Variants in CLASP2 observed in about 807,000 individuals in gnomAD.
The protein encoded by CLASP2 is cytoplasmic linker associated protein 2, also known as CLIP-associating protein 2.
Under a neutral mutation model 194.4 loss-of-function variants are expected in CLASP2, and 47 were observed. The observed-to-expected ratio is 0.24, with a 90% CI of 0.19 to 0.31. The LOEUF (loss-of-function observed/expected upper bound fraction) is 0.31, where lower values mean the gene tolerates loss of function less well. Ranked by LOEUF, CLASP2 falls within the 10% of genes least tolerant of loss-of-function variation. The probability of loss-of-function intolerance (pLI) is 1.00; values close to 1 mark genes in which losing one functional copy is unlikely to be tolerated. For missense variants in CLASP2, 1,445 were observed against 1,823.6 expected, an observed-to-expected ratio of 0.79 and a Z score of 3.78; for synonymous variants, 619 against 633.5, an observed-to-expected ratio of 0.98 and a Z score of 0.34.
At chr3:33,585,808 TA>T (rs150098184) in intron 21 of CLASP2, among the ~76,000 whole-genome samples, 21 of 151,374 alleles carry the variant, frequency 1.4e-4, no homozygotes. Context: ...ATGACTGTAT[TA>T]AAAAAAAACC....
At chr3:33,653,977 A>G (rs2083673510) in intron 7 of CLASP2, among the ~76,000 whole-genome samples, 1 of 151,958 alleles carries the variant, frequency 6.6e-6, no homozygotes, top group African/African-American at 2.4e-5. Context: ...AAAAATCACA[A>G]TGAATTCTTA....
rs114498000 is a variant in CLASP2, at chr3:33,597,531, C to A, written c.1925-797G>T. On this transcript the variant is annotated intron_variant, in intron 18 of 38. Coordinates refer to ENST00000682230, the MANE Select transcript of CLASP2 (RefSeq NM_001365631.1). ...CTACAGTTTGCCTAAGCTGTTTCTGCAAACAGTGTGGTTTATGGTGAAAAC... is the reference window on the plus strand; with the variant it reads ...CTACAGTTTGCCTAAGCTGTTTCTGAAAACAGTGTGGTTTATGGTGAAAAC... Among the ~76,000 whole-genome samples, 1,431 of 152,222 alleles carry A rather than the reference C, an allele frequency of 9.4e-3. 31 individuals are homozygous for A. Among genetic ancestry groups the A allele is most frequent in the African/African-American group, 0.033 (1,350 of 41,530 alleles).
At chr3:33,633,312 T>TC (rs891055209) in intron 8 of CLASP2, among the ~76,000 whole-genome samples, 2 of 152,028 alleles carry the variant, frequency 1.3e-5, no homozygotes, top group African/African-American at 4.8e-5. Context: ...GCTCATCCTA[T>TC]CCAAAAACGA....
chr3:33,608,703 T>C, intron 13 of CLASP2, 77 bp from the exon 14 acceptor site: 1 of 791,782 alleles, frequency 1.3e-6, no homozygotes. Context: ...ACTACTACAC[T>C]TTGCCCCCTA....
chr3:33,559,019 T>C lies in CLASP2; in HGVS notation c.3009+288A>G, dbSNP rs555168118. 13 of 449,120 alleles carry C rather than the reference T, an allele frequency of 2.9e-5. 1 individual carries two copies. Among genetic ancestry groups the C allele is most frequent in the South Asian group, 2.5e-4 (12 of 47,644 alleles). The allele number at this position is 449,120 out of a possible 1,614,324, so 27.8% of individuals were successfully genotyped here. A position where few individuals can be genotyped will look rare whatever the true frequency, so the allele number is the denominator to read the frequency against. The stretch of plus-strand genomic sequence containing the variant: ...TTTAAATAACATTTGAAATCAAATG[T>C]GTGCATGCGTAAAAGGCTTACAAAG... On this transcript the variant is annotated intron_variant, in intron 29 of 38. Transcript: ENST00000682230.
intron 30 of CLASP2, among the ~76,000 whole-genome samples, chr3:33,548,499 A>G (rs199888802): frequency 6.6e-6 from 1 of 151,936 alleles, no homozygotes; most frequent in Non-Finnish European, 1.5e-5. Context: ...GGGTTTCACC[A>G]TGTTAGCCAG....
chr3:33,593,418 C>T (rs1285911692), intron 20 of CLASP2, among the ~76,000 whole-genome samples: 4 of 152,060 alleles, frequency 2.6e-5, no homozygotes, highest in Non-Finnish European at 5.9e-5. Flanking sequence ...GTAGGGTATA[C>T]ATGAAATACT....
chr3:33,555,291 T>C (rs558215093), intron 29 of CLASP2, among the ~76,000 whole-genome samples: 2 of 151,880 alleles, frequency 1.3e-5, no homozygotes, highest in Middle Eastern at 3.4e-3. Context: ...AAATGTGCAG[T>C]AGACAGGAAA....
In CLASP2 at chr3:33,584,730, A is replaced by T; in HGVS notation, c.2239+20T>A. The stretch of plus-strand genomic sequence containing the variant: ...AAAAAGGGTTACATGTCTCACATAA[A>T]AAAAAAAAAAAAATCTTACCCACTG... On this transcript the variant is annotated intron_variant, in intron 22 of 38. Coordinates refer to ENST00000682230, the MANE Select transcript of CLASP2 (RefSeq NM_001365631.1). 3 of 1,451,410 alleles carry T rather than the reference A, an allele frequency of 2.1e-6. No homozygotes were observed. Among genetic ancestry groups the T allele is most frequent in the Non-Finnish European group, 2.8e-6 (3 of 1,085,204 alleles). 89.9% of individuals were successfully genotyped at this position (1,451,410 alleles called of 1,614,324 possible). A position where few individuals can be genotyped will look rare whatever the true frequency, so the allele number is the denominator to read the frequency against.
intron 15 of CLASP2, among the ~76,000 whole-genome samples, chr3:33,607,163 T>C (rs1485542168): frequency 6.6e-6 from 1 of 152,132 alleles, no homozygotes; most frequent in Admixed American, 6.5e-5. Context: ...TGAAAGTGAA[T>C]AGGTTATGAC....
intron 34 of CLASP2, among the ~76,000 whole-genome samples, chr3:33,525,786 G>T (rs924093873): frequency 1.3e-5 from 2 of 152,194 alleles, no homozygotes; most frequent in Non-Finnish European, 2.9e-5. Context: ...ATAGCCTTAG[G>T]AAAGAGGCTG....
At chr3:33,543,136 G>A (rs2058636236) in intron 32 of CLASP2, among the ~76,000 whole-genome samples, 1 of 152,156 alleles carries the variant, frequency 6.6e-6, no homozygotes, top group Non-Finnish European at 1.5e-5. Flanking sequence ...ATTTTGGGAG[G>A]CCGAGGCGGG....
rs905604135 is a variant in CLASP2 at position 33,663,360 on chromosome 3, T to C, written c.715+85A>G. ...TTTTCAAGCCACAAAATCAACTCTT[T>C]TGAATCAGTGATATATAATACATTT... is the stretch of plus-strand genomic sequence containing the variant. On this transcript the variant is annotated intron_variant, in intron 7 of 38. Transcript: ENST00000682230. The C allele has an allele frequency of 1.3e-4, 119 of 907,340 alleles. No individual in the cohort carries two copies. In the East Asian group the frequency reaches 2.6e-3, roughly 20 times the overall value. The allele number at this position is 907,340 out of a possible 1,614,324, so 56.2% of individuals were successfully genotyped here. A position where few individuals can be genotyped will look rare whatever the true frequency, so the allele number is the denominator to read the frequency against.
At position 33,544,714 on chromosome 3, in the gene CLASP2, G is replaced by A. The variant is rs755355195; in HGVS notation, c.3281C>T (p.Thr1094Ile). 5 of 1,611,718 alleles carry A rather than the reference G, an allele frequency of 3.1e-6. No individual in the cohort carries two copies. The highest frequency in any genetic ancestry group is 4.2e-6 in the Non-Finnish European group (5 of 1,179,056). ...TKLLHNHLRN[T>I]GNGTQSSMGS... is the part of the protein sequence containing the mutation. ...AACAATTACCTGGGTTCCATTGCCA[G>A]TGTTTCGAAGGTGATTATGAAGAAG... The change falls in exon 31 of 39, where the codon ACT becomes ATT. Residue 1094 changes from threonine to isoleucine, a missense_variant. Around this residue, in one of 4 missense-constraint regions of CLASP2, gnomAD observed 732 missense variants for 987.9 expected, o/e 0.74. Coordinates refer to ENST00000682230, the MANE Select transcript of CLASP2 (RefSeq NM_001365631.1).
At chr3:33,519,607 G>C (rs2052384405) in intron 34 of CLASP2, among the ~76,000 whole-genome samples, 1 of 152,090 alleles carries the variant, frequency 6.6e-6, no homozygotes, top group South Asian at 2.1e-4. Context: ...ATGTCAAACA[G>C]GGTCTTCCTC....
At position 33,621,988 on chromosome 3, in the gene CLASP2, C is replaced by T. The variant is rs940142106; in HGVS notation, c.1181+147G>A. ...GTTAAGGAATTTTTTAAAAATCATA[C>T]AGATTGAATCCTTATGTATAATAAA... On this transcript the variant is annotated intron_variant, in intron 11 of 38. Coordinates refer to ENST00000682230, the MANE Select transcript of CLASP2 (RefSeq NM_001365631.1). 10 of 518,482 alleles carry T rather than the reference C, an allele frequency of 1.9e-5. No individual in the cohort carries two copies. The East Asian group carries it at 3.2e-4, about 17-fold the overall frequency. The allele number at this position is 518,482 out of a possible 1,614,324, so 32.1% of individuals were successfully genotyped here.
intron 8 of CLASP2, among the ~76,000 whole-genome samples, chr3:33,633,645 AAAG>A (rs1358273819): frequency 4.6e-5 from 7 of 152,168 alleles, no homozygotes; most frequent in African/African-American, 1.7e-4. Context: ...ATGGACTCAC[AAAG>A]AAGGATGGAC....
chr3:33,682,305 T>C (rs1042588788), intron 6 of CLASP2, among the ~76,000 whole-genome samples: 1 of 152,214 alleles, frequency 6.6e-6, no homozygotes, highest in Admixed American at 6.5e-5. Flanking sequence ...CAAAAAATTT[T>C]TTCTTTTAAA....
At chr3:33,560,346 G>A (rs964842120) in intron 28 of CLASP2, among the ~76,000 whole-genome samples, 1 of 151,702 alleles carries the variant, frequency 6.6e-6, no homozygotes, top group Non-Finnish European at 1.5e-5. Flanking sequence ...AGGTTCAAGC[G>A]ATTCTCCTTC....
Sources: allele counts gnomAD v4.1 joint callset (sites outside exome capture counted in the v4.1 genomes callset), GRCh38; gene constraint gnomAD v4.1.1; regional missense constraint gnomAD v4.1.1; transcripts MANE v1.5; gene names NCBI Gene and HGNC (gene_info 2026-07-23, HGNC 2026-07-21).